The following CACNA2D1 variants were observed in gnomAD, a reference collection of about 807,000 sequenced individuals.
CACNA2D1 encodes the protein calcium voltage-gated channel auxiliary subunit alpha2delta 1.
A neutral mutation model predicts 171.5 loss-of-function variants in CACNA2D1; 53 were observed. That is an observed-to-expected ratio of 0.31 (90% CI 0.25 to 0.39). CACNA2D1 has a LOEUF of 0.39. Ranked by LOEUF, CACNA2D1 falls within the 10% of genes least tolerant of loss-of-function variation. The pLI is 1.00. For missense variants in CACNA2D1, 903 were observed against 1,299.8 expected, an observed-to-expected ratio of 0.69 and a Z score of 4.69; for synonymous variants, 442 against 443.1, an observed-to-expected ratio of 1.00 and a Z score of 0.03.
intron 1 of CACNA2D1, among the ~76,000 whole-genome samples, chr7:82,384,957 G>A: frequency 6.6e-6 from 1 of 152,186 alleles, no homozygotes; most frequent in South Asian, 2.1e-4. Flanking sequence ...TCACATTAAT[G>A]TATTGCAATG....
chr7:82,274,855 T>TATGAATGA (rs71522608), intron 3 of CACNA2D1, among the ~76,000 whole-genome samples: 79,114 of 150,230 alleles, frequency 0.53, 21,537 homozygotes, highest in Non-Finnish European at 0.59. Context: ...TACAGGTATT[T>TATGAATGA]ATGAATGAAT....
intron 9 of CACNA2D1, among the ~76,000 whole-genome samples, chr7:82,060,733 T>C (rs1806785208): frequency 6.6e-6 from 1 of 151,930 alleles, no homozygotes; most frequent in African/African-American, 2.4e-5. Context: ...CCTCCCAATA[T>C]CAGTATGTGT....
At chr7:82,041,287 C>G (rs185738130) in intron 10 of CACNA2D1, among the ~76,000 whole-genome samples, 1 of 151,988 alleles carries the variant, frequency 6.6e-6, no homozygotes, top group Non-Finnish European at 1.5e-5. Context: ...AAATAAAGCT[C>G]GTCGAAAGGT....
intron 6 of CACNA2D1, among the ~76,000 whole-genome samples, chr7:82,095,358 C>T (rs1053779148): frequency 4.6e-5 from 7 of 152,254 alleles, no homozygotes; most frequent in Middle Eastern, 3.4e-3. Flanking sequence ...ATACTTCCTA[C>T]GTTTCACTAT....
At chr7:82,433,085 G>A (rs922968275) in intron 1 of CACNA2D1, among the ~76,000 whole-genome samples, 98 of 151,944 alleles carry the variant, frequency 6.4e-4, no homozygotes, top group Admixed American at 2.5e-3. Flanking sequence ...CTACTCAGGA[G>A]GCTGAGACAA....
At chr7:82,044,396 C>T (rs945711564) in intron 10 of CACNA2D1, among the ~76,000 whole-genome samples, 3 of 152,046 alleles carry the variant, frequency 2.0e-5, no homozygotes, top group Admixed American at 2.0e-4. Context: ...GTTTTATTTT[C>T]TCTATTTCTG....
intron 1 of CACNA2D1, among the ~76,000 whole-genome samples, chr7:82,354,468 A>C (rs1212215484): frequency 1.3e-5 from 2 of 152,206 alleles, no homozygotes; most frequent in Admixed American, 6.5e-5. Context: ...AGAGAGGATA[A>C]TTCTTCTCTG....
In CACNA2D1 at chr7:82,150,268, AAC is replaced by A. The variant is rs547167974; in HGVS notation, c.355-13594_355-13593del. ...GCTTTAGATCAAATTAAAAAAAAAA[AAC>A]AAAAACAACAACAAAAAAAAACACC... On this transcript the variant is annotated intron_variant, in intron 4 of 38. Coordinates refer to ENST00000356860, the MANE Select transcript of CACNA2D1 (RefSeq NM_000722.4). Among the ~76,000 whole-genome samples, 7 of 80,240 alleles carry A rather than the reference AAC, an allele frequency of 8.7e-5. No individual in the cohort carries two copies. The South Asian group carries it at 1.1e-3, about 13-fold the overall frequency. The allele number at this position is 80,240 out of a possible 152,430, so 52.6% of individuals were successfully genotyped here.
At chr7:82,418,776 G>T (rs1828428483) in intron 1 of CACNA2D1, among the ~76,000 whole-genome samples, 1 of 152,092 alleles carries the variant, frequency 6.6e-6, no homozygotes, top group Non-Finnish European at 1.5e-5. Context: ...GATGTTTTTG[G>T]TGTATCAGAG....
chr7:82,334,315 T>G (rs1178547669), intron 3 of CACNA2D1, among the ~76,000 whole-genome samples: 2 of 152,186 alleles, frequency 1.3e-5, no homozygotes, highest in Non-Finnish European at 2.9e-5. Flanking sequence ...ATCTAGCAAT[T>G]CTACTCTCCT....
intron 6 of CACNA2D1, among the ~76,000 whole-genome samples, chr7:82,089,266 C>T (rs536230714): frequency 6.6e-4 from 101 of 152,252 alleles, no homozygotes; most frequent in African/African-American, 2.4e-3. Flanking sequence ...TAGAAGACTG[C>T]TCAGTGACAA....
At chr7:82,419,463 C>T (rs73388012) in intron 1 of CACNA2D1, among the ~76,000 whole-genome samples, 5,327 of 152,228 alleles carry the variant, frequency 0.035, 178 homozygotes, top group East Asian at 0.12. Flanking sequence ...AAAGAACAGA[C>T]ACTAGTACCT....
chr7:82,201,824 G>T lies in CACNA2D1; in HGVS notation c.295-31215C>A, dbSNP rs144813291. Among the ~76,000 whole-genome samples the T allele has an allele frequency of 2.0e-5, 3 of 152,296 alleles. No individual in the cohort carries two copies. The East Asian group carries it at 5.8e-4, about 29-fold the overall frequency. On this transcript the variant is annotated intron_variant, in intron 3 of 38. Coordinates refer to ENST00000356860, the MANE Select transcript of CACNA2D1 (RefSeq NM_000722.4). ...TGCTAACCATTCCTCATGGGATCAG[G>T]CTGAAAGGAGTGTTCTGGCTGAAAG...
At chr7:82,358,381 AATCGTAGGATTGTTTGTGAGATGGGTGT>A (rs1436822252) in intron 1 of CACNA2D1, among the ~76,000 whole-genome samples, 1 of 152,178 alleles carries the variant, frequency 6.6e-6, no homozygotes, top group African/African-American at 2.4e-5. Context: ...ATCTACATTA[AATCGTAGGATTGTTTGTGAGATGGGTGT>A]CATGCCAGAA....
chr7:82,427,919 T>G (rs1829330684), intron 1 of CACNA2D1, among the ~76,000 whole-genome samples: 1 of 152,136 alleles, frequency 6.6e-6, no homozygotes, highest in Non-Finnish European at 1.5e-5. Context: ...CCAGATGCAA[T>G]GGCTCACGCC....
chr7:82,032,364 T>G (rs531415830), intron 12 of CACNA2D1, among the ~76,000 whole-genome samples: 1 of 152,024 alleles, frequency 6.6e-6, no homozygotes, highest in South Asian at 2.1e-4. Context: ...TTTTGTAAAT[T>G]TACAAAACAA....
At chr7:81,992,577 G>A (rs192966784) in intron 20 of CACNA2D1, among the ~76,000 whole-genome samples, 1 of 152,194 alleles carries the variant, frequency 6.6e-6, no homozygotes, top group Non-Finnish European at 1.5e-5. Context: ...GCAAGTGTTG[G>A]TCTGCAAGTT....
intron 3 of CACNA2D1, among the ~76,000 whole-genome samples, chr7:82,184,160 C>T (rs1401706555): frequency 1.3e-4 from 17 of 132,642 alleles, no homozygotes; most frequent in African/African-American, 4.1e-4. Context: ...GTGGAAACAT[C>T]GGTTTCCTCT....
At chr7:82,122,334 G>C (rs1421253905) in intron 5 of CACNA2D1, among the ~76,000 whole-genome samples, 4 of 152,160 alleles carry the variant, frequency 2.6e-5, no homozygotes, top group African/African-American at 9.6e-5. Context: ...TAAAGTCGCT[G>C]ATGAGGATTA....
Sources: allele counts gnomAD v4.1 joint callset (sites outside exome capture counted in the v4.1 genomes callset), GRCh38; gene constraint gnomAD v4.1.1; transcripts MANE v1.5; gene names NCBI Gene and HGNC (gene_info 2026-07-23, HGNC 2026-07-21).